The following RGS7BP variants were observed in gnomAD, a reference collection of about 807,000 sequenced individuals.
RGS7BP encodes the protein regulator of G protein signaling 7-binding protein.
A neutral mutation model predicts 31.3 loss-of-function variants in RGS7BP; 9 were observed. The ratio of observed to expected loss-of-function variants is 0.29; its 90% CI spans 0.17 to 0.50. The LOEUF (loss-of-function observed/expected upper bound fraction) is 0.50. RGS7BP is among the 20% of genes least tolerant of loss of function. RGS7BP has a pLI of 0.98. For synonymous variants in RGS7BP, 115 were observed against 120.1 expected, an observed-to-expected ratio of 0.96 and a Z score of 0.28; for missense variants, 274 against 322.0, an observed-to-expected ratio of 0.85 and a Z score of 1.14.
intron 3 of RGS7BP, among the ~76,000 whole-genome samples, chr5:64,578,464 A>T (rs1431386087): frequency 6.6e-6 from 1 of 152,232 alleles, no homozygotes; most frequent in African/African-American, 2.4e-5. Context: ...CCTGGATCCT[A>T]TCCAAGGACC....
intron 2 of RGS7BP, among the ~76,000 whole-genome samples, chr5:64,538,505 C>CT (rs1209747313): frequency 0.019 from 705 of 37,928 alleles, 6 homozygotes; most frequent in Middle Eastern, 0.11. Flanking sequence ...CTTTTCTTTT[C>CT]TTTTTTTTTT....
intron 2 of RGS7BP, 64 bp from the exon 3 acceptor site, chr5:64,575,710 G>A: frequency 6.5e-7 from 1 of 1,541,156 alleles, no homozygotes; most frequent in Non-Finnish European, 8.7e-7. Flanking sequence ...TCGGAGCTGA[G>A]ACAAATGGCT....
intron 2 of RGS7BP, among the ~76,000 whole-genome samples, chr5:64,545,306 T>C (rs1297278901): frequency 6.6e-6 from 1 of 151,642 alleles, no homozygotes; most frequent in African/African-American, 2.4e-5. Context: ...GAGACATACC[T>C]GATGTTAAAT....
intron 1 of RGS7BP, 35 bp from the exon 2 acceptor site, chr5:64,507,676 T>G: frequency 6.5e-7 from 1 of 1,543,076 alleles, no homozygotes; most frequent in Non-Finnish European, 8.8e-7. Flanking sequence ...ATGAGAAATG[T>G]TTGGTAAAAA....
At chr5:64,533,426 A>G (rs1749422800) in intron 2 of RGS7BP, among the ~76,000 whole-genome samples, 1 of 152,202 alleles carries the variant, frequency 6.6e-6, no homozygotes, top group African/African-American at 2.4e-5. Context: ...TATCTCCCAG[A>G]ACACGAGTTC....
In RGS7BP at chr5:64,609,195, C is replaced by T. The variant is rs745775006; in HGVS notation, c.717C>T (p.Pro239=). Residue 239 remains proline (P), a synonymous_variant, in exon 6 of 6, where the codon CCC becomes CCT. Coordinates refer to ENST00000334025, the MANE Select transcript of RGS7BP (RefSeq NM_001029875.3). ...GCCTTCTGAATCTAACTCCCTACCC[C>T]CTGGTGAGAAGACGGAAGAGAAGGT... The part of the protein sequence containing the change: ...DSSLLNLTPY[P]LVRRRKRRFF... 5 of 1,611,568 alleles carry T rather than the reference C, an allele frequency of 3.1e-6. No homozygotes were observed. In the African/African-American group the frequency reaches 4.0e-5, roughly 13 times the overall value.
intron 2 of RGS7BP, among the ~76,000 whole-genome samples, chr5:64,510,514 A>G (rs1372589137): frequency 2.0e-5 from 3 of 152,232 alleles, no homozygotes; most frequent in African/African-American, 7.2e-5. Flanking sequence ...CAGAAAGTAG[A>G]TTAGTGGTTA....
Position 64,521,318 on chromosome 5 carries a change from C to T in RGS7BP, c.332+13441C>T, listed in dbSNP as rs1454490769. ...TGTCACCCAGTCTGGAATGCAGCGC[C>T]GTGGCCTTGGCTCACTGCAACCTCC... is the stretch of plus-strand genomic sequence containing the variant. On this transcript the variant is annotated intron_variant, in intron 2 of 5. Transcript: ENST00000334025. Among the ~76,000 whole-genome samples, 6 of 152,132 alleles carry T rather than the reference C, an allele frequency of 3.9e-5. No individual in the cohort carries two copies. The East Asian group carries it at 5.8e-4, about 15-fold the overall frequency.
At chr5:64,538,489 T>A (rs1241981681) in intron 2 of RGS7BP, among the ~76,000 whole-genome samples, 1 of 144,694 alleles carries the variant, frequency 6.9e-6, no homozygotes, top group Admixed American at 7.0e-5. Flanking sequence ...GTAGCCATTT[T>A]TTTTCCTTTT....
Position 64,610,543 on chromosome 5 carries a change from C to A in RGS7BP, c.*1291C>A, listed in dbSNP as rs1024617729. The A allele has an allele frequency of 2.0e-5, 3 of 151,898 alleles. No individual in the cohort carries two copies. The highest frequency in any genetic ancestry group is 2.4e-5 in the African/African-American group (1 of 41,408). The allele number at this position is 151,898 out of a possible 1,614,324, so 9.4% of individuals were successfully genotyped here. ...AGACAGGAGGCACCAGTGTCCAGTA[C>A]AATAGAAGGATGAGCTAGATGCCGA... On this transcript the variant is annotated 3_prime_UTR_variant, in exon 6 of 6. Coordinates refer to ENST00000334025, the MANE Select transcript of RGS7BP (RefSeq NM_001029875.3).
chr5:64,512,394 G>A (rs1039709396), intron 2 of RGS7BP, among the ~76,000 whole-genome samples: 2 of 152,298 alleles, frequency 1.3e-5, no homozygotes, highest in African/African-American at 4.8e-5. Flanking sequence ...TGGTAGTCTG[G>A]TATCGTGGTT....
intron 2 of RGS7BP, among the ~76,000 whole-genome samples, chr5:64,562,185 A>G (rs1742071042): frequency 6.6e-6 from 1 of 152,106 alleles, no homozygotes; most frequent in South Asian, 2.1e-4. Context: ...GACTCCAGAA[A>G]ATGTAATGCT....
chr5:64,586,182 G>A (rs537186489), intron 3 of RGS7BP, among the ~76,000 whole-genome samples: 2 of 152,188 alleles, frequency 1.3e-5, no homozygotes, highest in Admixed American at 1.3e-4. Flanking sequence ...GTGATGCTGG[G>A]GATGAAGAAC....
chr5:64,589,469 T>C (rs1457559065), intron 3 of RGS7BP, among the ~76,000 whole-genome samples: 1 of 152,100 alleles, frequency 6.6e-6, no homozygotes, highest in African/African-American at 2.4e-5. Flanking sequence ...ACCCCTATAA[T>C]ATTCTTGCCA....
intron 2 of RGS7BP, among the ~76,000 whole-genome samples, chr5:64,528,524 A>G (rs1264368710): frequency 6.6e-6 from 1 of 152,128 alleles, no homozygotes; most frequent in Non-Finnish European, 1.5e-5. Flanking sequence ...TGAAAAAGGA[A>G]GGATAGGCCG....
intron 2 of RGS7BP, among the ~76,000 whole-genome samples, chr5:64,557,531 C>T (rs1248416398): frequency 6.6e-6 from 1 of 152,158 alleles, no homozygotes; most frequent in Non-Finnish European, 1.5e-5. Context: ...GCGGAGGCTG[C>T]AGCCTGACAT....
chr5:64,577,266 G>A (rs1742459815), intron 3 of RGS7BP, among the ~76,000 whole-genome samples: 1 of 151,864 alleles, frequency 6.6e-6, no homozygotes. Context: ...GTGAAACCCA[G>A]TCTCTACTAA....
At chr5:64,510,972 A>G (rs1023039865) in intron 2 of RGS7BP, among the ~76,000 whole-genome samples, 2 of 152,364 alleles carry the variant, frequency 1.3e-5, no homozygotes, top group Admixed American at 6.5e-5. Context: ...TTTTCTACCA[A>G]TACAGACTCC....
intron 2 of RGS7BP, among the ~76,000 whole-genome samples, chr5:64,549,884 A>T (rs1741748294): frequency 6.6e-6 from 1 of 152,196 alleles, no homozygotes; most frequent in African/African-American, 2.4e-5. Context: ...AAGCACTCAG[A>T]GGAGCCAAGT....
Sources: gnomAD v4.1 joint callset for allele counts (sites outside exome capture counted in the v4.1 genomes callset) on GRCh38, gnomAD v4.1.1 for gene constraint, MANE v1.5 for transcripts, NCBI Gene and HGNC (gene_info 2026-07-23, HGNC 2026-07-21) for gene names.